Variants in CDC37L1 observed in about 807,000 individuals in gnomAD.
CDC37L1 encodes the protein hsp90 co-chaperone Cdc37-like 1.
CDC37L1 carries 32 observed loss-of-function variants against 45.9 expected under a neutral mutation model. That is an observed-to-expected ratio of 0.70 (90% CI 0.53 to 0.94). The LOEUF (loss-of-function observed/expected upper bound fraction) is 0.94, where lower values mean the gene tolerates loss of function less well. CDC37L1 is among the 40% of genes least tolerant of loss of function. The pLI is 0.00. For synonymous variants in CDC37L1, 150 were observed against 133.0 expected, an observed-to-expected ratio of 1.13 and a Z score of -0.88; for missense variants, 434 against 405.7, an observed-to-expected ratio of 1.07 and a Z score of -0.60.
At chr9:4,683,317 A>T (rs1841215964) in intron 1 of CDC37L1, among the ~76,000 whole-genome samples, 1 of 151,824 alleles carries the variant, frequency 6.6e-6, no homozygotes, top group African/African-American at 2.4e-5. Context: ...CTTGCCTCAG[A>T]ATTGTTTACC....
rs1301840704 is a variant in CDC37L1 at position 4,706,061 on chromosome 9, C to G, written c.963C>G (p.Asn321Lys). 6.2e-7 allele frequency: 1 copy of G among 1,606,960 alleles called. No individual in the cohort carries two copies. The highest frequency in any genetic ancestry group is 8.5e-7 in the Non-Finnish European group (1 of 1,173,676). The change falls in exon 7 of 7, where the codon AAC becomes AAG. Residue 321 changes from asparagine to lysine, a missense_variant. Coordinates refer to ENST00000381854, the MANE Select transcript of CDC37L1 (RefSeq NM_017913.4). Reference sequence around the variant, plus strand: ...TCAGTACAGCTCTCTGCAGCTTAAACTCGGTGGTACATAAAGAAGATGATG... The same window carrying G: ...TCAGTACAGCTCTCTGCAGCTTAAAGTCGGTGGTACATAAAGAAGATGATG... ...YSISTALCSLNSVVHKEDDEP... is the reference protein window; with the variant it reads ...YSISTALCSLKSVVHKEDDEP...
intron 1 of CDC37L1, among the ~76,000 whole-genome samples, chr9:4,682,329 A>ATTCTTTTTTTTTTT (rs1841202700): frequency 1.1e-5 from 1 of 92,856 alleles, no homozygotes; most frequent in Non-Finnish European, 1.9e-5. Flanking sequence ...TGCCCAGCTA[A>ATTCTTTTTTTTTTT]TTTTTTTTTT....
chr9:4,691,531 T>G (rs941293403), intron 3 of CDC37L1, among the ~76,000 whole-genome samples: 2 of 152,174 alleles, frequency 1.3e-5, no homozygotes, highest in African/African-American at 4.8e-5. Context: ...AGTTGGAGGC[T>G]TTCTGGACTT....
intron 3 of CDC37L1, among the ~76,000 whole-genome samples, chr9:4,695,453 G>A (rs557025682): frequency 6.6e-6 from 1 of 152,228 alleles, no homozygotes; most frequent in East Asian, 1.9e-4. Context: ...ACTTTATAAA[G>A]CTTAGAATAC....
intron 1 of CDC37L1, 99 bp downstream of exon 1, chr9:4,679,998 C>T (rs991145013): frequency 4.1e-6 from 6 of 1,451,566 alleles, no homozygotes; most frequent in Middle Eastern, 1.9e-4. Context: ...CCTTTTTCTA[C>T]GCCCACCTCA....
In CDC37L1 at chr9:4,701,962, G is replaced by T; in HGVS notation, c.846G>T (p.Met282Ile). 1 of 1,572,860 alleles carries T rather than the reference G, an allele frequency of 6.4e-7. No individual in the cohort carries two copies. Among genetic ancestry groups the T allele is most frequent in the Non-Finnish European group, 8.6e-7 (1 of 1,162,724 alleles). The part of the protein sequence containing the change: ...LYSQSQSFQP[M>I]TVQNHVPHSG... ...CTCAATCACAAAGTTTTCAACCTAT[G>T]ACAGTTCAGAATCATGTTCCCCATT... is the stretch of plus-strand genomic sequence containing the variant. The change falls in exon 6 of 7, where the codon ATG becomes ATT. Residue 282 changes from methionine (M) to isoleucine (I), a missense_variant. By Grantham distance (10) the Met-to-Ile change is conservative. Coordinates refer to ENST00000381854, the MANE Select transcript of CDC37L1 (RefSeq NM_017913.4).
Position 4,707,191 on chromosome 9 carries a change from T to C in CDC37L1, c.*1079T>C, listed in dbSNP as rs560807071. On this transcript the variant is annotated 3_prime_UTR_variant, in exon 7 of 7. Transcript: ENST00000381854. The stretch of plus-strand genomic sequence containing the variant: ...TTCCCCTTTTTCAGCTCAGTTACCA[T>C]AGAATACTTCCAAGCTTTACTACTT... 2 of 152,216 alleles carry C rather than the reference T, an allele frequency of 1.3e-5. No homozygotes were observed. The highest frequency in any genetic ancestry group is 1.9e-4 in the East Asian group (1 of 5,204). The allele number at this position is 152,216 out of a possible 1,614,324, so 9.4% of individuals were successfully genotyped here.
chr9:4,679,641 T>C lies in CDC37L1; in HGVS notation c.-127T>C, dbSNP rs1234156392. The C allele has an allele frequency of 1.2e-6, 1 of 838,946 alleles. No individual in the cohort carries two copies. Among genetic ancestry groups the C allele is most frequent in the Non-Finnish European group, 1.8e-6 (1 of 561,110 alleles). The allele number at this position is 838,946 out of a possible 1,614,324, so 52.0% of individuals were successfully genotyped here. ...AGCGGCGTCGCGGCCAGTAGAGGGA[T>C]TCTGGGTAACGGCCCGGACCCCCGG... On this transcript the variant is annotated 5_prime_UTR_variant, in exon 1 of 7. Coordinates refer to ENST00000381854, the MANE Select transcript of CDC37L1 (RefSeq NM_017913.4).
At chr9:4,685,837 C>G (rs962855837) in intron 2 of CDC37L1, among the ~76,000 whole-genome samples, 3 of 152,118 alleles carry the variant, frequency 2.0e-5, no homozygotes, top group African/African-American at 7.2e-5. Flanking sequence ...ACTTCATGAA[C>G]TAGTATTTTA....
intron 5 of CDC37L1, among the ~76,000 whole-genome samples, chr9:4,699,985 A>G (rs1280057612): frequency 6.6e-6 from 1 of 152,086 alleles, no homozygotes; most frequent in Non-Finnish European, 1.5e-5. Context: ...TAAACATAAA[A>G]TTATATTTTT....
intron 3 of CDC37L1, among the ~76,000 whole-genome samples, chr9:4,688,961 T>A (rs927693434): frequency 6.6e-6 from 1 of 152,318 alleles, no homozygotes; most frequent in Non-Finnish European, 1.5e-5. Flanking sequence ...TTTTAAAGAT[T>A]ATTCATTTTT....
intron 3 of CDC37L1, among the ~76,000 whole-genome samples, chr9:4,693,755 G>A (rs113441132): frequency 0.012 from 1,802 of 152,286 alleles, 13 homozygotes; most frequent in Non-Finnish European, 0.018. Context: ...TTGAATGGGT[G>A]CTTATCATTT....
chr9:4,681,658 C>G (rs1170877045), intron 1 of CDC37L1, among the ~76,000 whole-genome samples: 1 of 152,054 alleles, frequency 6.6e-6, no homozygotes, highest in East Asian at 1.9e-4. Context: ...ATTTTTTTTG[C>G]AAACTGATTA....
chr9:4,684,796 C>A, intron 1 of CDC37L1, 81 bp from the exon 2 acceptor site: 1 of 1,019,366 alleles, frequency 9.8e-7, no homozygotes, highest in Non-Finnish European at 1.4e-6. Flanking sequence ...TACAGAAATC[C>A]TTTGAATTAA....
intron 1 of CDC37L1, among the ~76,000 whole-genome samples, chr9:4,680,657 A>C (rs115389611): frequency 1.2e-4 from 18 of 152,290 alleles, no homozygotes; most frequent in African/African-American, 4.3e-4. Context: ...CTTAGGGGAT[A>C]CTTACATACT....
In CDC37L1 at chr9:4,688,616, C is replaced by T. The variant is rs1042295130; in HGVS notation, c.508+10C>T. The stretch of plus-strand genomic sequence containing the variant: ...AAAATCAGACATTTTGGTAAGTCTA[C>T]TACTTGGATTTCCTTCTTTGTAATG... On this transcript the variant is annotated intron_variant, in intron 3 of 6. Transcript: ENST00000381854. 2 of 1,456,184 alleles carry T rather than the reference C, an allele frequency of 1.4e-6. No individual in the cohort carries two copies. Among genetic ancestry groups the T allele is most frequent in the African/African-American group, 2.9e-5 (2 of 69,650 alleles). 90.2% of individuals were successfully genotyped at this position (1,456,184 alleles called of 1,614,324 possible).
chr9:4,704,386 G>A (rs898452024), intron 6 of CDC37L1, among the ~76,000 whole-genome samples: 1 of 152,178 alleles, frequency 6.6e-6, no homozygotes, highest in African/African-American at 2.4e-5. Context: ...AATGTTACTA[G>A]ATGAAAATAT....
chr9:4,696,528 G>T, intron 3 of CDC37L1, among the ~76,000 whole-genome samples: 1 of 152,100 alleles, frequency 6.6e-6, no homozygotes, highest in East Asian at 1.9e-4. Flanking sequence ...AATCTATTCA[G>T]TTATGACTGA....
chr9:4,699,709 G>A (rs567508574), intron 5 of CDC37L1, among the ~76,000 whole-genome samples: 14 of 152,136 alleles, frequency 9.2e-5, no homozygotes, highest in Non-Finnish European at 2.1e-4. Context: ...CTCAGGGAGG[G>A]AGGGGGAATG....
Sources: gnomAD v4.1 joint callset for allele counts (sites outside exome capture counted in the v4.1 genomes callset) on GRCh38, gnomAD v4.1.1 for gene constraint, MANE v1.5 for transcripts, NCBI Gene and HGNC (gene_info 2026-07-23, HGNC 2026-07-21) for gene names.